Variants in DPRX observed in about 807,000 individuals in gnomAD.
The protein encoded by DPRX is divergent-paired related homeobox.
In DPRX, 11 loss-of-function variants were observed where a neutral mutation model predicts 8.4. The observed-to-expected ratio is 1.31, with a 90% CI of 0.82 to 2.17. The LOEUF is 2.17. Ranked by LOEUF, DPRX falls within the 30% of genes most tolerant of loss-of-function variation. The pLI is 0.00. For synonymous variants in DPRX, 72 were observed against 87.0 expected, an observed-to-expected ratio of 0.83 and a Z score of 0.96; for missense variants, 211 against 236.7, an observed-to-expected ratio of 0.89 and a Z score of 0.71.
chr19:53,616,032 C>T, the DPRX span, among the ~76,000 whole-genome samples: 1 of 152,016 alleles, frequency 6.6e-6, no homozygotes, highest in Non-Finnish European at 1.5e-5. Flanking sequence ...GCGGGTGGAT[C>T]ACCTAAGGTC....
At chr19:53,601,204 G>T in the DPRX span, 1 of 455,392 alleles carries the variant, frequency 2.2e-6, no homozygotes, top group Non-Finnish European at 4.4e-6. Context: ...GGGAAAGGTC[G>T]CAGGAAGAGT....
At chr19:53,636,914 G>A (rs10409173) in exon 3 of DPRX, 1 of 1,613,746 alleles carries the variant, frequency 6.2e-7, no homozygotes, top group South Asian at 1.1e-5. Context: ...CCCCATTTTG[G>A]AATCCCAAGT....
chr19:53,617,049 ATAT>A, the DPRX span: 1 of 1,255,346 alleles, frequency 8.0e-7, no homozygotes, highest in Non-Finnish European at 1.2e-6. Flanking sequence ...TAAGTGGACA[ATAT>A]TATTATGGAA....
the DPRX span, among the ~76,000 whole-genome samples, chr19:53,604,233 C>T: frequency 3.3e-5 from 5 of 151,926 alleles, no homozygotes; most frequent in Middle Eastern, 3.2e-3. Flanking sequence ...GTACTATCCG[C>T]GGTTTCGGGC....
chr19:53,624,820 C>T, the DPRX span, among the ~76,000 whole-genome samples: 1 of 107,790 alleles, frequency 9.3e-6, no homozygotes, highest in Non-Finnish European at 1.8e-5. Flanking sequence ...CCAGCCTGGG[C>T]GACAGTCACA....
the DPRX span, among the ~76,000 whole-genome samples, chr19:53,620,109 C>T: frequency 5.6e-3 from 856 of 152,110 alleles, 7 homozygotes; most frequent in Middle Eastern, 0.021. Flanking sequence ...TCGCTCTGTC[C>T]CCCAGGCTAG....
the DPRX span, chr19:53,616,893 C>A: frequency 1.3e-6 from 2 of 1,514,170 alleles, no homozygotes; most frequent in Non-Finnish European, 1.8e-6. Context: ...TGCCGTTGGC[C>A]ATGACTATGT....
the DPRX span, among the ~76,000 whole-genome samples, chr19:53,615,972 G>T: frequency 6.6e-6 from 1 of 152,192 alleles, no homozygotes; most frequent in African/African-American, 2.4e-5. Context: ...AAAAGGCGGG[G>T]CTGGGTGTGG....
chr19:53,603,791 T>A, the DPRX span, among the ~76,000 whole-genome samples: 3,626 of 150,500 alleles, frequency 0.024, 119 homozygotes, highest in East Asian at 0.16. Context: ...TCACCCAGGC[T>A]GGATTGCAGT....
the DPRX span, among the ~76,000 whole-genome samples, chr19:53,615,744 T>G: frequency 2.6e-5 from 4 of 152,096 alleles, no homozygotes; most frequent in Non-Finnish European, 5.9e-5. Flanking sequence ...TTATTTTTCT[T>G]AATTTTAATA....
chr19:53,622,200 A>C, the DPRX span, among the ~76,000 whole-genome samples: 3 of 152,188 alleles, frequency 2.0e-5, 1 homozygote, highest in African/African-American at 7.2e-5. Flanking sequence ...TATTAGAGGA[A>C]AACAACCAGA....
chr19:53,606,119 T>C, the DPRX span: 1 of 152,190 alleles, frequency 6.6e-6, no homozygotes, highest in Non-Finnish European at 1.5e-5. The surrounding 1 kb of genome is among the most constrained non-coding windows in gnomAD (Gnocchi z 4.8). Context: ...AAAGCCTGGA[T>C]TCTGGGCCTT....
chr19:53,601,587 T>C, the DPRX span, among the ~76,000 whole-genome samples: 1 of 151,644 alleles, frequency 6.6e-6, no homozygotes, highest in East Asian at 1.9e-4. Flanking sequence ...GTTCAAGCGA[T>C]TCTCCTGCCT....
the DPRX span, among the ~76,000 whole-genome samples, chr19:53,617,924 G>C: frequency 2.6e-5 from 4 of 152,052 alleles, no homozygotes; most frequent in South Asian, 2.1e-4. Flanking sequence ...CAGATCACGA[G>C]GTCAGGAGTT....
At chr19:53,616,526 G>A in the DPRX span, among the ~76,000 whole-genome samples, 6 of 152,194 alleles carry the variant, frequency 3.9e-5, no homozygotes, top group Middle Eastern at 3.4e-3. Context: ...AGGCTGAGGC[G>A]GGTGGATCAC....
chr19:53,627,892 C>A (rs1012073888), upstream of DPRX, among the ~76,000 whole-genome samples: 4 of 151,362 alleles, frequency 2.6e-5, no homozygotes, highest in Non-Finnish European at 5.9e-5. Context: ...ATTACCTGGG[C>A]ATGGTGGCGC....
At chr19:53,605,254 T>A in the DPRX span, among the ~76,000 whole-genome samples, 3 of 147,562 alleles carry the variant, frequency 2.0e-5, no homozygotes, top group African/African-American at 5.0e-5. Context: ...TTTTCTTTAA[T>A]TTTTTTTTTT....
the DPRX span, among the ~76,000 whole-genome samples, chr19:53,617,582 A>G: frequency 6.6e-6 from 1 of 151,746 alleles, no homozygotes. Context: ...AAAAGAAAAA[A>G]AAAAAGAAAT....
chr19:53,622,043 G>C, the DPRX span, among the ~76,000 whole-genome samples: 1 of 152,028 alleles, frequency 6.6e-6, no homozygotes, highest in South Asian at 2.1e-4. Flanking sequence ...TCAGGCCTTT[G>C]TTTCTGAGAG....
Sources: gnomAD v4.1 joint callset for allele counts (sites outside exome capture counted in the v4.1 genomes callset) on GRCh38, gnomAD v4.1.1 for gene constraint, Gnocchi (gnomAD v3.1) non-coding constraint, MANE v1.5 for transcripts, NCBI Gene and HGNC (gene_info 2026-07-23, HGNC 2026-07-21) for gene names.